The following ACACA variants were observed in gnomAD, a reference collection of about 807,000 sequenced individuals.
ACACA encodes acetyl-CoA carboxylase alpha.
A neutral mutation model predicts 296.1 loss-of-function variants in ACACA; 103 were observed. The ratio of observed to expected loss-of-function variants is 0.35; its 90% CI spans 0.30 to 0.41. The LOEUF (loss-of-function observed/expected upper bound fraction) is 0.41, where lower values mean the gene tolerates loss of function less well. Ranked by LOEUF, ACACA falls within the 10% of genes least tolerant of loss-of-function variation. The probability of loss-of-function intolerance (pLI) is 1.00; values close to 1 mark genes in which losing one functional copy is unlikely to be tolerated. For missense variants in ACACA, 1,554 were observed against 2,989.7 expected (o/e 0.52, Z 11.20); for synonymous variants, 953 against 1,038.6 (o/e 0.92, Z 1.58).
chr17:37,161,642 TCA>T (rs2076465691), intron 42 of ACACA, 137 bp downstream of exon 42: 1 of 1,035,962 alleles, frequency 9.7e-7, no homozygotes, highest in Non-Finnish European at 1.4e-6. Flanking sequence ...TAAGGAATTT[TCA>T]CAAATAATTT....
chr17:37,326,669 A>T (rs1163857437), intron 3 of ACACA, among the ~76,000 whole-genome samples: 1 of 151,880 alleles, frequency 6.6e-6, no homozygotes, highest in Non-Finnish European at 1.5e-5. Context: ...TGTCTCTACT[A>T]AAAATACAAA....
intron 48 of ACACA, among the ~76,000 whole-genome samples, chr17:37,123,257 G>A (rs566067156): frequency 1.3e-5 from 2 of 152,266 alleles, no homozygotes; most frequent in East Asian, 3.9e-4. Context: ...TCCTTCCTTG[G>A]AAAAGACAAA....
intron 3 of ACACA, among the ~76,000 whole-genome samples, chr17:37,301,134 C>T (rs1482453187): frequency 1.3e-5 from 2 of 152,152 alleles, no homozygotes; most frequent in Non-Finnish European, 2.9e-5. Context: ...ACTAAAGAGG[C>T]ACACTCAATA....
chr17:37,155,598 A>G (rs573028459), intron 43 of ACACA, 85 bp downstream of exon 43: 2 of 912,110 alleles, frequency 2.2e-6, no homozygotes, highest in African/African-American at 1.6e-5. Flanking sequence ...CTTCAAGGTT[A>G]TGAACAGCTG....
chr17:37,158,332 T>G (rs2144338743), intron 42 of ACACA, among the ~76,000 whole-genome samples: 1 of 152,234 alleles, frequency 6.6e-6, no homozygotes, highest in South Asian at 2.1e-4. Flanking sequence ...CTTAAAGCTT[T>G]AAAAGACTGG....
At chr17:37,196,286 A>T (rs988154913) in intron 35 of ACACA, among the ~76,000 whole-genome samples, 4 of 145,606 alleles carry the variant, frequency 2.7e-5, no homozygotes, top group African/African-American at 5.0e-5. Flanking sequence ...GAACTATCTT[A>T]AAAAAAAAAA....
At chr17:37,356,049 T>C (rs1352941384) in intron 1 of ACACA, among the ~76,000 whole-genome samples, 2 of 151,708 alleles carry the variant, frequency 1.3e-5, no homozygotes, top group African/African-American at 4.8e-5. Flanking sequence ...GCACACCTTG[T>C]AGTCTCAGCT....
intron 43 of ACACA, among the ~76,000 whole-genome samples, chr17:37,153,678 T>C (rs2076129665): frequency 6.6e-6 from 1 of 152,200 alleles, no homozygotes; most frequent in Non-Finnish European, 1.5e-5. Flanking sequence ...CAAATGATTA[T>C]TAAGTTCTTA....
chr17:37,342,306 G>A (rs953742268), intron 1 of ACACA, among the ~76,000 whole-genome samples: 5 of 148,634 alleles, frequency 3.4e-5, no homozygotes, highest in Non-Finnish European at 7.4e-5. Context: ...TACTGGGGAG[G>A]CTGAGGAAGG....
intron 41 of ACACA, among the ~76,000 whole-genome samples, chr17:37,167,570 C>T (rs563205640): frequency 6.6e-6 from 1 of 151,704 alleles, no homozygotes; most frequent in South Asian, 2.1e-4. Flanking sequence ...CCACCTGCCT[C>T]GGCCTCCCAA....
intron 23 of ACACA, among the ~76,000 whole-genome samples, chr17:37,241,713 T>A (rs2080417133): frequency 1.3e-5 from 2 of 151,782 alleles, no homozygotes. Context: ...TCTCAAAAAA[T>A]AATAATAATA....
At chr17:37,334,157 T>G (rs990376653) in intron 2 of ACACA, among the ~76,000 whole-genome samples, 1 of 152,060 alleles carries the variant, frequency 6.6e-6, no homozygotes, top group African/African-American at 2.4e-5. Flanking sequence ...CCACCTCGCA[T>G]GGCCTGCTCT....
rs1292578388 is a variant in ACACA at position 37,277,956 on chromosome 17, G to A, written c.660C>T (p.Asn220=). 2 of 1,613,910 alleles carry A rather than the reference G, an allele frequency of 1.2e-6. No homozygotes were observed. Among genetic ancestry groups the A allele is most frequent in the African/African-American group, 2.7e-5 (2 of 74,926 alleles). Residue 220 remains asparagine (N), a synonymous_variant, in exon 6 of 56, where the codon AAC becomes AAT. Coordinates refer to ENST00000616317, the MANE Select transcript of ACACA (RefSeq NM_198834.3). Reference sequence around the variant, plus strand: ...ATTCCACATTTGCATAGTTGTTGTTGTTTGGTCCTCCAGGCACTGGCACAT... The same window carrying A: ...ATTCCACATTTGCATAGTTGTTGTTATTTGGTCCTCCAGGCACTGGCACAT... ...DHYVPVPGGP[N]NNNYANVELI... is the part of the protein sequence containing the mutation.
intron 38 of ACACA, among the ~76,000 whole-genome samples, chr17:37,190,446 G>T (rs891892149): frequency 6.6e-6 from 1 of 151,784 alleles, no homozygotes; most frequent in Non-Finnish European, 1.5e-5. Flanking sequence ...AAAAAAGAAA[G>T]AAAGAAAGCG....
At chr17:37,129,130 T>C (rs1382818083) in intron 47 of ACACA, among the ~76,000 whole-genome samples, 2 of 152,234 alleles carry the variant, frequency 1.3e-5, no homozygotes, top group Admixed American at 1.3e-4. Context: ...TATTCGTGAC[T>C]GCACTGCTTG....
rs566982501 is a variant in ACACA, at chr17:37,216,915, G to A, written c.3683+4809C>T. On this transcript the variant is annotated intron_variant, in intron 29 of 55. Transcript: ENST00000616317. ...GTGCCGTGTTTCACCCCAACCTATG[G>A]AGGCTAAATCACAGTCAAAAACAAA... is the stretch of plus-strand genomic sequence containing the variant. 7.9e-5 allele frequency among the ~76,000 whole-genome samples: 12 copies of A among 152,124 alleles called. No homozygotes were observed. The South Asian group carries it at 2.5e-3, about 32-fold the overall frequency.
intron 28 of ACACA, 165 bp from the exon 29 acceptor site, chr17:37,222,007 G>C: frequency 1.5e-6 from 1 of 655,266 alleles, no homozygotes; most frequent in South Asian, 1.8e-5. Flanking sequence ...AATTAATAAA[G>C]CTGGAGTCTT....
chr17:37,155,540 G>A (rs1278790771), intron 43 of ACACA, 143 bp downstream of exon 43: 1 of 661,162 alleles, frequency 1.5e-6, no homozygotes, highest in Non-Finnish European at 2.7e-6. Flanking sequence ...ATAAGTGGTA[G>A]AGCTGGATGT....
intron 1 of ACACA, among the ~76,000 whole-genome samples, chr17:37,347,170 C>T (rs181827341): frequency 1.3e-5 from 2 of 152,226 alleles, no homozygotes; most frequent in Admixed American, 6.5e-5. Flanking sequence ...ATAAGTCTCA[C>T]GAGTTCTGAT....
Sources: allele counts gnomAD v4.1 joint callset (sites outside exome capture counted in the v4.1 genomes callset), GRCh38; gene constraint gnomAD v4.1.1; transcripts MANE v1.5; gene names NCBI Gene and HGNC (gene_info 2026-07-23, HGNC 2026-07-21).